SDK2: variants seen among roughly 807,000 people sequenced by gnomAD.
SDK2 encodes the protein sidekick cell adhesion molecule 2.
In SDK2, 105 loss-of-function variants were observed where a neutral mutation model predicts 253.9. That is an observed-to-expected ratio of 0.41 (90% CI 0.35 to 0.49). The LOEUF is 0.49. Ranked by LOEUF, SDK2 falls within the 20% of genes least tolerant of loss-of-function variation. The pLI is 0.06. For missense variants in SDK2, 2,608 were observed against 3,003.0 expected (o/e 0.87, Z 3.07); for synonymous variants, 1,249 against 1,234.9 (o/e 1.01, Z -0.24).
intron 4 of SDK2, among the ~76,000 whole-genome samples, chr17:73,450,114 A>C (rs1753994371): frequency 6.6e-6 from 1 of 152,120 alleles, no homozygotes; most frequent in African/African-American, 2.4e-5. Flanking sequence ...GTCCTTAGGT[A>C]TAGCATGTGA....
chr17:73,398,211 A>T (rs774848751), intron 23 of SDK2, 26 bp from the exon 24 acceptor site: 1 of 1,605,076 alleles, frequency 6.2e-7, no homozygotes, highest in African/African-American at 1.3e-5. Flanking sequence ...GATGAGCAAG[A>T]TGGTAAGGGC....
intron 3 of SDK2, among the ~76,000 whole-genome samples, chr17:73,463,178 T>C (rs2063575417): frequency 6.6e-6 from 1 of 152,202 alleles, no homozygotes; most frequent in Non-Finnish European, 1.5e-5. Flanking sequence ...GGTACCTGCT[T>C]GCTAATACGC....
At chr17:73,602,081 C>T (rs929723182) in intron 1 of SDK2, among the ~76,000 whole-genome samples, 7 of 152,364 alleles carry the variant, frequency 4.6e-5, no homozygotes, top group African/African-American at 1.7e-4. Context: ...TGTAGTGCTT[C>T]GTTGCGGCAG....
intron 2 of SDK2, among the ~76,000 whole-genome samples, chr17:73,502,032 A>T (rs1322998915): frequency 1.3e-5 from 2 of 151,862 alleles, no homozygotes; most frequent in African/African-American, 4.8e-5. Flanking sequence ...TATTTATGCC[A>T]CAATCACACA....
chr17:73,488,154 T>C (rs1236686679), intron 2 of SDK2, among the ~76,000 whole-genome samples: 1 of 152,182 alleles, frequency 6.6e-6, no homozygotes, highest in Non-Finnish European at 1.5e-5. Context: ...TAGCTGGGAC[T>C]ACAGGCGCCT....
chr17:73,629,730 A>G lies in SDK2; in HGVS notation c.64+14295T>C, dbSNP rs8080240. ...CTTGACCGTGAGCAATTTGAGGGCA[A>G]GGACCTGCCTTAGACTGGGCTGGAT... On this transcript the variant is annotated intron_variant, in intron 1 of 44. Transcript: ENST00000392650. The surrounding 1 kb of genome is among the most constrained non-coding windows in gnomAD (Gnocchi z 5.0). Among the ~76,000 whole-genome samples the G allele has an allele frequency of 0.37, 55,646 of 151,982 alleles. 10,601 individuals are homozygous for G. The highest frequency in any genetic ancestry group is 0.47 in the African/African-American group (19,470 of 41,406).
intron 2 of SDK2, among the ~76,000 whole-genome samples, chr17:73,500,676 A>C (rs1375274209): frequency 6.4e-5 from 7 of 109,008 alleles, no homozygotes; most frequent in Admixed American, 1.9e-4. Context: ...TCCTCCATCC[A>C]TCCTCCCTCC....
rs1014871076 is a variant in SDK2 at position 73,511,640 on chromosome 17, G to A, written c.65-4043C>T. On this transcript the variant is annotated intron_variant, in intron 1 of 44. Coordinates refer to ENST00000392650, the MANE Select transcript of SDK2 (RefSeq NM_001144952.2). The surrounding 1 kb of genome is among the most constrained non-coding windows in gnomAD (Gnocchi z 4.9). ...CCTCGCCTCCTGTGGTCCTCACAAGGTTCCTCTCCCCAAGCTCCTGCGGTG... is the reference window on the plus strand; with the variant it reads ...CCTCGCCTCCTGTGGTCCTCACAAGATTCCTCTCCCCAAGCTCCTGCGGTG... 6.6e-6 allele frequency among the ~76,000 whole-genome samples: 1 copy of A among 152,126 alleles called. No homozygotes were observed. Among genetic ancestry groups the A allele is most frequent in the African/African-American group, 2.4e-5 (1 of 41,428 alleles).
chr17:73,489,308 G>T (rs2063789194), intron 2 of SDK2, among the ~76,000 whole-genome samples: 1 of 152,176 alleles, frequency 6.6e-6, no homozygotes, highest in South Asian at 2.1e-4. Context: ...TAAACATCAG[G>T]TCTTTCAGCA....
chr17:73,510,861 C>T (rs1008263116), intron 1 of SDK2, among the ~76,000 whole-genome samples: 2 of 152,300 alleles, frequency 1.3e-5, no homozygotes, highest in Non-Finnish European at 1.5e-5. Flanking sequence ...TCTTAACAAG[C>T]GTCAGGTGAA....
chr17:73,496,070 C>T lies in SDK2; in HGVS notation c.224+11368G>A, dbSNP rs1395597582. 2.0e-5 allele frequency among the ~76,000 whole-genome samples: 3 copies of T among 152,054 alleles called. No individual in the cohort carries two copies. The highest frequency in any genetic ancestry group is 7.2e-5 in the African/African-American group (3 of 41,398). On this transcript the variant is annotated intron_variant, in intron 2 of 44. Coordinates refer to ENST00000392650, the MANE Select transcript of SDK2 (RefSeq NM_001144952.2). This position sits in a 1 kb window ranked among gnomAD's most constrained non-coding sequence, Gnocchi z 4.7. ...TTGAGGAAAAGGAACCTGGACTTCC[C>T]GGGAGGGTGGGAAGGAACCGTGGCC...
At chr17:73,428,753 G>T (rs2063303583) in intron 12 of SDK2, among the ~76,000 whole-genome samples, 1 of 152,120 alleles carries the variant, frequency 6.6e-6, no homozygotes, top group African/African-American at 2.4e-5. Flanking sequence ...GGGTAGAAGG[G>T]ATGTCCCCGT....
rs369436784 is a variant in SDK2 at position 73,635,281 on chromosome 17, C to G, written c.64+8744G>C. Among the ~76,000 whole-genome samples, 285 of 152,316 alleles carry G rather than the reference C, an allele frequency of 1.9e-3. 1 individual carries two copies. The highest frequency in any genetic ancestry group is 6.5e-3 in the African/African-American group (270 of 41,576). ...GGGATTACAGGTGTGAACCACTGCG[C>G]CCGGCCCATTTCAGGTTTCTTGGTG... On this transcript the variant is annotated intron_variant, in intron 1 of 44. Transcript: ENST00000392650.
chr17:73,343,370 C>T (rs2062456053), intron 44 of SDK2, among the ~76,000 whole-genome samples: 1 of 152,264 alleles, frequency 6.6e-6, no homozygotes, highest in South Asian at 2.1e-4. Context: ...GCGACTGCTG[C>T]TCCCGCCTCC....
At chr17:73,441,044 G>A (rs957456391) in intron 5 of SDK2, 121 bp from the exon 6 acceptor site, 50 of 711,170 alleles carry the variant, frequency 7.0e-5, no homozygotes, top group Non-Finnish European at 1.2e-4. Context: ...GTGGCCATGG[G>A]GGCAGCCCCA....
chr17:73,465,957 G>A lies in SDK2; in HGVS notation c.331+6155C>T, dbSNP rs555630610. Among the ~76,000 whole-genome samples the A allele has an allele frequency of 6.6e-5, 10 of 152,188 alleles. No homozygotes were observed. The highest frequency in any genetic ancestry group is 7.3e-5 in the Non-Finnish European group (5 of 68,036). On this transcript the variant is annotated intron_variant, in intron 3 of 44. Coordinates refer to ENST00000392650, the MANE Select transcript of SDK2 (RefSeq NM_001144952.2). The surrounding 1 kb of genome is among the most constrained non-coding windows in gnomAD (Gnocchi z 4.2). ...TGCGTGTGTGTGTAAGGAGACAGACGGATTGGCAGACAGGCAGCTGCAGCA... is the reference window on the plus strand; with the variant it reads ...TGCGTGTGTGTGTAAGGAGACAGACAGATTGGCAGACAGGCAGCTGCAGCA...
chr17:73,414,618 C>A, intron 18 of SDK2, 26 bp downstream of exon 18: 1 of 1,576,474 alleles, frequency 6.3e-7, no homozygotes, highest in Non-Finnish European at 8.7e-7. Context: ...AGGGCCTCCT[C>A]TTGGGTGAGG....
intron 1 of SDK2, among the ~76,000 whole-genome samples, chr17:73,601,638 G>T (rs2045842088): frequency 6.6e-6 from 1 of 152,142 alleles, no homozygotes; most frequent in African/African-American, 2.4e-5. Flanking sequence ...CACCAGTAGC[G>T]CCCAGAGCTA....
chr17:73,464,962 G>A (rs563272855), intron 3 of SDK2, among the ~76,000 whole-genome samples: 2 of 152,112 alleles, frequency 1.3e-5, no homozygotes, highest in Non-Finnish European at 2.9e-5. Flanking sequence ...GTCTCTCGTT[G>A]TGTCCCCACT....
Sources: allele counts gnomAD v4.1 joint callset (sites outside exome capture counted in the v4.1 genomes callset), GRCh38; gene constraint gnomAD v4.1.1; non-coding constraint Gnocchi (gnomAD v3.1); transcripts MANE v1.5; gene names NCBI Gene and HGNC (gene_info 2026-07-23, HGNC 2026-07-21).